ROBO1: variants seen among roughly 807,000 people sequenced by gnomAD.
ROBO1 encodes roundabout guidance receptor 1, also known as roundabout homolog 1.
A neutral mutation model predicts 195.9 loss-of-function variants in ROBO1; 149 were observed. The observed-to-expected ratio is 0.76, with a 90% CI of 0.67 to 0.87. The LOEUF (loss-of-function observed/expected upper bound fraction) is 0.87. Among genes scored for constraint, ROBO1 ranks in the 40% least tolerant of loss-of-function variants. The probability of loss-of-function intolerance (pLI) is 0.00; values close to 1 mark genes in which losing one functional copy is unlikely to be tolerated. For synonymous variants in ROBO1, 816 were observed against 733.2 expected, an observed-to-expected ratio of 1.11 and a Z score of -1.82; for missense variants, 1,933 against 2,068.3, an observed-to-expected ratio of 0.93 and a Z score of 1.27.
At chr3:79,282,860 T>C (rs185200773) in intron 2 of ROBO1, among the ~76,000 whole-genome samples, 1 of 152,302 alleles carries the variant, frequency 6.6e-6, no homozygotes, top group African/African-American at 2.4e-5. Flanking sequence ...GAGCAAAGGA[T>C]AATATTATTA....
chr3:78,925,683 G>A (rs932201617), intron 4 of ROBO1, among the ~76,000 whole-genome samples: 16 of 152,144 alleles, frequency 1.1e-4, no homozygotes, highest in African/African-American at 2.4e-4. Flanking sequence ...TATACACAGC[G>A]GTGAGAAGTA....
intron 4 of ROBO1, among the ~76,000 whole-genome samples, chr3:78,935,849 C>T (rs2039776757): frequency 6.6e-6 from 1 of 151,972 alleles, no homozygotes; most frequent in Non-Finnish European, 1.5e-5. Flanking sequence ...ACTTCAAATA[C>T]TTACAAGTAA....
chr3:79,603,143 A>G (rs531475745), intron 1 of ROBO1, among the ~76,000 whole-genome samples: 23 of 151,954 alleles, frequency 1.5e-4, no homozygotes, highest in Non-Finnish European at 2.6e-4. Flanking sequence ...CTGCCTTGAC[A>G]TCTGGTGAAA....
At chr3:78,809,610 A>C (rs946146567) in intron 4 of ROBO1, among the ~76,000 whole-genome samples, 3 of 152,218 alleles carry the variant, frequency 2.0e-5, no homozygotes, top group Admixed American at 1.3e-4. Context: ...TCAATGATAG[A>C]CTGGATACAG....
At chr3:79,288,921 G>A (rs192187174) in intron 2 of ROBO1, among the ~76,000 whole-genome samples, 45 of 151,890 alleles carry the variant, frequency 3.0e-4, no homozygotes, top group Non-Finnish European at 2.2e-4. Flanking sequence ...ATAATTTAGC[G>A]GTCTTTTTTT....
At chr3:79,208,693 G>A (rs957163608) in intron 2 of ROBO1, among the ~76,000 whole-genome samples, 25 of 150,098 alleles carry the variant, frequency 1.7e-4, no homozygotes, top group African/African-American at 5.6e-4. Context: ...GGGCATGTGT[G>A]TGTGTGTGTG....
intron 1 of ROBO1, among the ~76,000 whole-genome samples, chr3:79,686,485 C>T (rs897472065): frequency 1.6e-4 from 25 of 152,010 alleles, no homozygotes; most frequent in Non-Finnish European, 2.8e-4. Context: ...TCGTCTCAGC[C>T]CAAAATCTCC....
intron 2 of ROBO1, among the ~76,000 whole-genome samples, chr3:79,332,606 C>T (rs1030892216): frequency 2.0e-5 from 3 of 152,076 alleles, no homozygotes; most frequent in Admixed American, 2.0e-4. Flanking sequence ...GGCACTCAGT[C>T]AACAGTTGTT....
chr3:78,938,572 G>A (rs772521382), intron 4 of ROBO1, 29 bp downstream of exon 4: 6 of 1,575,288 alleles, frequency 3.8e-6, no homozygotes, highest in South Asian at 1.2e-5. Flanking sequence ...CACTCCCTCT[G>A]CCAAACACAG....
intron 4 of ROBO1, among the ~76,000 whole-genome samples, chr3:78,823,232 TG>T (rs1231637893): frequency 3.9e-5 from 6 of 151,998 alleles, no homozygotes; most frequent in African/African-American, 1.4e-4. Context: ...GCTCTTGGGA[TG>T]CTCTTCATCA....
chr3:79,154,165 G>C (rs958219572), intron 2 of ROBO1, among the ~76,000 whole-genome samples: 2 of 151,726 alleles, frequency 1.3e-5, no homozygotes, highest in Non-Finnish European at 2.9e-5. Context: ...AATGGGTTCA[G>C]AGTAAACATT....
intron 2 of ROBO1, among the ~76,000 whole-genome samples, chr3:79,442,945 A>C (rs1255204954): frequency 6.6e-6 from 1 of 152,298 alleles, no homozygotes; most frequent in African/African-American, 2.4e-5. Context: ...ACTCATCTCA[A>C]TACCTGGAAT....
chr3:79,047,689 G>T (rs1386723995), intron 3 of ROBO1, among the ~76,000 whole-genome samples: 1 of 152,038 alleles, frequency 6.6e-6, no homozygotes, highest in Non-Finnish European at 1.5e-5. Flanking sequence ...TTAATAGTAT[G>T]TCATGTGTCA....
At chr3:79,697,800 T>A (rs2107133610) in intron 1 of ROBO1, among the ~76,000 whole-genome samples, 1 of 151,588 alleles carries the variant, frequency 6.6e-6, no homozygotes, top group Non-Finnish European at 1.5e-5. Context: ...TTTTGTTGAT[T>A]AATTTATAAA....
intron 4 of ROBO1, among the ~76,000 whole-genome samples, chr3:78,860,326 A>ATATATATATATATATATATATATTTTT (rs376853384): frequency 1.1e-5 from 1 of 93,506 alleles, no homozygotes; most frequent in African/African-American, 4.5e-5. Context: ...ATATATATAT[A>ATATATATATATATATATATATATTTTT]TTTTTTTTTT....
At chr3:78,904,709 T>C (rs1464770614) in intron 4 of ROBO1, among the ~76,000 whole-genome samples, 1 of 150,134 alleles carries the variant, frequency 6.7e-6, no homozygotes, top group Non-Finnish European at 1.5e-5. Context: ...TATATGTATA[T>C]ATATATGTAT....
intron 4 of ROBO1, among the ~76,000 whole-genome samples, chr3:78,821,415 C>T (rs566217094): frequency 1.3e-5 from 2 of 152,042 alleles, no homozygotes; most frequent in Non-Finnish European, 2.9e-5. Flanking sequence ...CCGCCTGCCT[C>T]AGCCTCCCAA....
intron 4 of ROBO1, among the ~76,000 whole-genome samples, chr3:78,861,525 G>T (rs2034836062): frequency 6.6e-6 from 1 of 152,170 alleles, no homozygotes. Context: ...TCCTAACAAG[G>T]TTATACAAAT....
At chr3:79,430,829 T>G (rs918446118) in intron 2 of ROBO1, among the ~76,000 whole-genome samples, 44 of 152,234 alleles carry the variant, frequency 2.9e-4, no homozygotes, top group Admixed American at 1.5e-3. Flanking sequence ...TATAATCAAA[T>G]AAGTTATTGA....
Sources: gnomAD v4.1 joint callset for allele counts (sites outside exome capture counted in the v4.1 genomes callset) on GRCh38, gnomAD v4.1.1 for gene constraint, MANE v1.5 for transcripts, NCBI Gene and HGNC (gene_info 2026-07-23, HGNC 2026-07-21) for gene names.